The following CELSR3 variants were observed in gnomAD, a reference collection of about 807,000 sequenced individuals.
CELSR3 encodes EGF-like protein 1.
A neutral mutation model predicts 270.0 loss-of-function variants in CELSR3; 73 were observed. The ratio of observed to expected loss-of-function variants is 0.27; its 90% CI spans 0.22 to 0.33. The LOEUF (loss-of-function observed/expected upper bound fraction) is 0.33, where lower values mean the gene tolerates loss of function less well. Ranked by LOEUF, CELSR3 falls within the 10% of genes least tolerant of loss-of-function variation. The pLI is 1.00. For missense variants in CELSR3, 3,614 were observed against 4,533.8 expected (o/e 0.80, Z 5.83); for synonymous variants, 1,780 against 1,905.4 (o/e 0.93, Z 1.71).
At chr3:48,648,671 C>T (rs756950188) in intron 18 of CELSR3, 48 bp downstream of exon 18, 1 of 1,580,862 alleles carries the variant, frequency 6.3e-7, no homozygotes, top group Non-Finnish European at 8.6e-7. Flanking sequence ...GGGCAGGAGG[C>T]TGGGAGCTGG....
At position 48,641,893 on chromosome 3, in the gene CELSR3, A is replaced by C; in HGVS notation, c.8782T>G (p.Cys2928Gly). Residue 2928 changes from cysteine to glycine, a missense_variant, in exon 32 of 35, where the codon TGC becomes GGC. Transcript: ENST00000164024. This position sits in a 1 kb window ranked among gnomAD's most constrained non-coding sequence, Gnocchi z 4.8. The stretch of plus-strand genomic sequence containing the variant: ...AGCCTCTCACTCTGGGCTGCTCGGC[A>C]GAGTGGCCGTTGGAAGCGCCCCCGC... Reference protein sequence around the residue: ...RTRGRFQRPLCRAAQSERLLT... With the variant: ...RTRGRFQRPLGRAAQSERLLT... 1 of 1,570,792 alleles carries C rather than the reference A, an allele frequency of 6.4e-7. No homozygotes were observed. The highest frequency in any genetic ancestry group is 8.6e-7 in the Non-Finnish European group (1 of 1,159,834).
In CELSR3 at chr3:48,662,054, C is replaced by A. The variant is rs772518409; in HGVS notation, c.581G>T (p.Gly194Val). The A allele has an allele frequency of 2.5e-6, 4 of 1,614,110 alleles. No homozygotes were observed. Among genetic ancestry groups the A allele is most frequent in the East Asian group, 2.2e-5 (1 of 44,882 alleles). ...PVSSQRNAGT[G>V]SRKRVGTARC... ...CGCGGTGCCCACTCTTTTGCGGGAG[C>A]CTGTCCCAGCGTTCCGCTGGGAGGA... The change falls in exon 1 of 35, where the codon GGC (glycine) becomes GTC (valine). Residue 194 changes from glycine to valine, a missense_variant. Transcript: ENST00000164024. This position sits in a 1 kb window ranked among gnomAD's most constrained non-coding sequence, Gnocchi z 7.1.
At position 48,650,920 on chromosome 3, in the gene CELSR3, G is replaced by A. The variant is rs868152619; in HGVS notation, c.6342C>T (p.Phe2114=). ...GGCAGCCGCTGGCTGTCACCTCTGCGAAGGGACTGTCACAGCTGTTGCACT... is the reference window on the plus strand; with the variant it reads ...GGCAGCCGCTGGCTGTCACCTCTGCAAAGGGACTGTCACAGCTGTTGCACT... The part of the protein sequence containing the change: ...GRQCNSCDSP[F]AEVTASGCRV... The change falls in exon 15 of 35, where the codon TTC becomes TTT. Residue 2114 remains phenylalanine, a synonymous_variant. Transcript: ENST00000164024. This position sits in a 1 kb window ranked among gnomAD's most constrained non-coding sequence, Gnocchi z 5.1. The A allele has an allele frequency of 1.9e-6, 3 of 1,611,178 alleles. No individual in the cohort carries two copies. The highest frequency in any genetic ancestry group is 1.7e-5 in the Admixed American group (1 of 59,996).
At chr3:48,649,273 A>C in intron 16 of CELSR3, 58 bp from the exon 17 acceptor site, 2 of 1,323,432 alleles carry the variant, frequency 1.5e-6, no homozygotes, top group Non-Finnish European at 2.1e-6. Context: ...CTGAGGAGAT[A>C]ACCGCAGCAC....
rs374620156 is a variant in CELSR3 at position 48,645,121 on chromosome 3, C to T, written c.7886G>A (p.Arg2629His). ...WLFVQGLHLYRMQVEPRNVDR... is the reference protein window; with the variant it reads ...WLFVQGLHLYHMQVEPRNVDR... ...CACGTTGCGTGGCTCAACCTGCATG[C>T]GGTAGAGGTGCAGCCCCTGCACGAA... The change falls in exon 25 of 35, where the codon CGC (arginine) becomes CAC (histidine). Residue 2629 changes from arginine to histidine, a missense_variant. Around this residue, in one of 7 missense-constraint regions of CELSR3, gnomAD observed 1,240 missense variants for 1,351.7 expected, o/e 0.92. Transcript: ENST00000164024. This position sits in a 1 kb window ranked among gnomAD's most constrained non-coding sequence, Gnocchi z 5.4. 2.2e-5 allele frequency: 36 copies of T among 1,605,526 alleles called. No homozygotes were observed. Among genetic ancestry groups the T allele is most frequent in the Non-Finnish European group, 2.6e-5 (31 of 1,174,124 alleles).
In CELSR3 at chr3:48,650,570, C is replaced by T. The variant is rs369466527; in HGVS notation, c.6382G>A (p.Ala2128Thr). Residue 2128 changes from alanine to threonine, a missense_variant, in exon 16 of 35, where the codon GCC becomes ACC. Ala to Thr is a moderately conservative substitution (Grantham distance 58). Coordinates refer to ENST00000164024, the MANE Select transcript of CELSR3 (RefSeq NM_001407.3). The surrounding 1 kb of genome is among the most constrained non-coding windows in gnomAD (Gnocchi z 5.1). ...TASGCRVLYD[A>T]CPKSLRSGVW... is the part of the protein sequence containing the mutation. ...CCAGATCTCAGGGACTTAGGGCAGG[C>T]ATCATAGAGCACTAGAGAGAGAAGA... The T allele has an allele frequency of 1.2e-6, 2 of 1,603,234 alleles. No individual in the cohort carries two copies. The highest frequency in any genetic ancestry group is 1.7e-6 in the Non-Finnish European group (2 of 1,177,062).
At position 48,660,431 on chromosome 3, in the gene CELSR3, G is replaced by C. The variant is rs547287027; in HGVS notation, c.2204C>G (p.Pro735Arg). 54 of 1,614,116 alleles carry C rather than the reference G, an allele frequency of 3.3e-5. No homozygotes were observed. The highest frequency in any genetic ancestry group is 5.3e-5 in the African/African-American group (4 of 75,016). Reference sequence around the variant, plus strand: ...GGTGACACTGGCTGAGGCAGAGAGTGGGGGTGAGCCATGGTCTCGAGCCTC... The same window carrying C: ...GGTGACACTGGCTGAGGCAGAGAGTCGGGGTGAGCCATGGTCTCGAGCCTC... ...GVEARDHGSP[P>R]LSASASVTVT... is the part of the protein sequence containing the mutation. The change falls in exon 1 of 35, where the codon CCA becomes CGA. Residue 735 changes from proline to arginine, a missense_variant. Pro to Arg is a moderately radical substitution (Grantham distance 103, BLOSUM62 -2). Around this residue, in one of 7 missense-constraint regions of CELSR3, gnomAD observed 215 missense variants for 241.2 expected, o/e 0.89. Coordinates refer to ENST00000164024, the MANE Select transcript of CELSR3 (RefSeq NM_001407.3). The surrounding 1 kb of genome is among the most constrained non-coding windows in gnomAD (Gnocchi z 5.5).
rs2047117346 is a variant in CELSR3, at chr3:48,649,444, G to C, written c.6473-229C>G. On this transcript the variant is annotated intron_variant, in intron 16 of 34. Transcript: ENST00000164024. ...CATTCTCAACCAGCAACCACACAAA[G>C]CACAAGGGTGGGGCTGCACACACTC... is the stretch of plus-strand genomic sequence containing the variant. Among the ~76,000 whole-genome samples, 6 of 152,326 alleles carry C rather than the reference G, an allele frequency of 3.9e-5. No individual in the cohort carries two copies. In the South Asian group the frequency reaches 1.2e-3, roughly 32 times the overall value.
Position 48,640,870 on chromosome 3 carries a change from C to T in CELSR3, c.9026-311G>A. 1 of 472,120 alleles carries T rather than the reference C, an allele frequency of 2.1e-6. No homozygotes were observed. Among genetic ancestry groups the T allele is most frequent in the South Asian group, 3.4e-5 (1 of 29,728 alleles). The allele number at this position is 472,120 out of a possible 1,614,324, so 29.2% of individuals were successfully genotyped here. On this transcript the variant is annotated intron_variant, in intron 33 of 34. Coordinates refer to ENST00000164024, the MANE Select transcript of CELSR3 (RefSeq NM_001407.3). The surrounding 1 kb of genome is among the most constrained non-coding windows in gnomAD (Gnocchi z 7.5). The stretch of plus-strand genomic sequence containing the variant: ...GGGCAGCCCTCAGGTCCTGACAATG[C>T]AGGCCTGGCTGAAATGCAGGAACCC...
chr3:48,651,512 C>A lies in CELSR3; in HGVS notation c.6066-33G>T, dbSNP rs113209785. On this transcript the variant is annotated intron_variant, in intron 13 of 34. Coordinates refer to ENST00000164024, the MANE Select transcript of CELSR3 (RefSeq NM_001407.3). This position sits in a 1 kb window ranked among gnomAD's most constrained non-coding sequence, Gnocchi z 7.4. Reference sequence around the variant, plus strand: ...TGCAGAGCCAGGTAAGATGCCTCCACGGTATCCCAGTGACCCTCCCTGTCC... The same window carrying A: ...TGCAGAGCCAGGTAAGATGCCTCCAAGGTATCCCAGTGACCCTCCCTGTCC... The A allele has an allele frequency of 1.4e-3, 2,309 of 1,611,076 alleles. 6 individuals are homozygous for A. Among genetic ancestry groups the A allele is most frequent in the African/African-American group, 0.011 (859 of 74,994 alleles).
In CELSR3 at chr3:48,661,114, T is replaced by A. The variant is rs755996323; in HGVS notation, c.1521A>T (p.Glu507Asp). 4 of 1,612,448 alleles carry A rather than the reference T, an allele frequency of 2.5e-6. No homozygotes were observed. The highest frequency in any genetic ancestry group is 3.4e-6 in the Non-Finnish European group (4 of 1,179,508). The change falls in exon 1 of 35, where the codon GAA becomes GAT. Residue 507 changes from glutamate to aspartate, a missense_variant. Physicochemically the swap from Glu to Asp is conservative, Grantham distance 45 (BLOSUM62 2). This residue lies in a region of CELSR3 where 354 missense variants were observed against 500.9 expected (regional missense o/e 0.71). Transcript: ENST00000164024. ...TGGCTTCCACCACCAGCTCATAGCT[T>A]TCCATGTGCTCGCGGTCCACTCGGC... The part of the protein sequence containing the change: ...TSGRVDREHM[E>D]SYELVVEASD...
At position 48,662,649 on chromosome 3, in the gene CELSR3, C is replaced by A; in HGVS notation, c.-15G>T. 1 of 1,281,276 alleles carries A rather than the reference C, an allele frequency of 7.8e-7. No homozygotes were observed. Among genetic ancestry groups the A allele is most frequent in the South Asian group, 1.7e-5 (1 of 59,144 alleles). The allele number at this position is 1,281,276 out of a possible 1,614,324, so 79.4% of individuals were successfully genotyped here. ...CTCGCCATCATCCCCCGCCTCCCTG[C>A]ACGGCCTCCACCGCCCCCCGCCCCG... On this transcript the variant is annotated 5_prime_UTR_variant, in exon 1 of 35. Transcript: ENST00000164024. The surrounding 1 kb of genome is among the most constrained non-coding windows in gnomAD (Gnocchi z 7.1).
In CELSR3 at chr3:48,655,215, C is replaced by T; in HGVS notation, c.4831-14G>A. On this transcript the variant is annotated splice_polypyrimidine_tract_variant and intron_variant, in intron 5 of 34. Transcript: ENST00000164024. The surrounding 1 kb of genome is among the most constrained non-coding windows in gnomAD (Gnocchi z 5.8). ...ATCTGTCCGGGGCTGAAGACGCAGG[C>T]ACACCAGTCAACAGTGCCCCCAGTA... 1.9e-6 allele frequency: 3 copies of T among 1,614,014 alleles called. No homozygotes were observed. The highest frequency in any genetic ancestry group is 2.5e-6 in the Non-Finnish European group (3 of 1,179,932).
chr3:48,649,314 A>C, intron 16 of CELSR3, 99 bp from the exon 17 acceptor site: 2 of 993,542 alleles, frequency 2.0e-6, no homozygotes, highest in East Asian at 5.3e-5. Flanking sequence ...TCCCTGAGGC[A>C]GAAGTCAGAG....
chr3:48,659,393 A>C lies in CELSR3; in HGVS notation c.3242T>G (p.Ile1081Ser). The C allele has an allele frequency of 6.2e-7, 1 of 1,614,116 alleles. No individual in the cohort carries two copies. Among genetic ancestry groups the C allele is most frequent in the Non-Finnish European group, 8.5e-7 (1 of 1,180,006 alleles). The change falls in exon 1 of 35, where the codon ATT (isoleucine) becomes AGT (serine). Residue 1081 changes from isoleucine (I) to serine (S), a missense_variant. This residue lies in a region of CELSR3 where 1,331 missense variants were observed against 1,933.7 expected (regional missense o/e 0.69). Transcript: ENST00000164024. The surrounding 1 kb of genome is among the most constrained non-coding windows in gnomAD (Gnocchi z 8.1). ...GATCTGGGCCACCACTGAGCCCACA[A>C]TGCTATTCTCTTTCACCCGCACCTC... ...EFEVRVKENS[I>S]VGSVVAQITA...
At chr3:48,648,951 G>C in intron 17 of CELSR3, 23 bp from the exon 18 acceptor site, 1 of 1,611,104 alleles carries the variant, frequency 6.2e-7, no homozygotes, top group Non-Finnish European at 8.5e-7. Flanking sequence ...GGAGATGGTT[G>C]CTCTGTGGTC....
chr3:48,646,200 T>G lies in CELSR3; in HGVS notation c.7353A>C (p.Gly2451=). The G allele has an allele frequency of 6.2e-7, 1 of 1,612,752 alleles. No individual in the cohort carries two copies. The highest frequency in any genetic ancestry group is 8.5e-7 in the Non-Finnish European group (1 of 1,179,930). The change falls in exon 22 of 35, where the codon GGA becomes GGC. Residue 2451 remains glycine, a synonymous_variant. Coordinates refer to ENST00000164024, the MANE Select transcript of CELSR3 (RefSeq NM_001407.3). The surrounding 1 kb of genome is among the most constrained non-coding windows in gnomAD (Gnocchi z 4.8). ...CCAGGATTCCCCTTAGGAAGTTGCG[T>G]CCGTGGAACACAGCCACGCTGACCA... ...SPVVSVAVFH[G]RNFLRGILES...
chr3:48,642,023 A>G lies in CELSR3; in HGVS notation c.8666-14T>C. 6.6e-7 allele frequency: 1 copy of G among 1,518,484 alleles called. No homozygotes were observed. Among genetic ancestry groups the G allele is most frequent in the South Asian group, 1.3e-5 (1 of 76,502 alleles). The allele number at this position is 1,518,484 out of a possible 1,614,324, so 94.1% of individuals were successfully genotyped here. ...CGGAGTCTGCGCCTGGAGTTGGGAAAGTCAGAAGTACTTTCAGAGGTAAGG... is the reference window on the plus strand; with the variant it reads ...CGGAGTCTGCGCCTGGAGTTGGGAAGGTCAGAAGTACTTTCAGAGGTAAGG... On this transcript the variant is annotated splice_polypyrimidine_tract_variant and intron_variant, in intron 31 of 34. Coordinates refer to ENST00000164024, the MANE Select transcript of CELSR3 (RefSeq NM_001407.3). The surrounding 1 kb of genome is among the most constrained non-coding windows in gnomAD (Gnocchi z 6.1).
intron 3 of CELSR3, 137 bp downstream of exon 3, chr3:48,656,003 G>A: frequency 8.7e-7 from 1 of 1,153,964 alleles, no homozygotes; most frequent in South Asian, 1.4e-5. Flanking sequence ...GTGCAGCGAG[G>A]TCAGGAGACC....
Sources: gnomAD v4.1 joint callset for allele counts (sites outside exome capture counted in the v4.1 genomes callset) on GRCh38, gnomAD v4.1.1 for gene constraint, gnomAD v4.1.1 regional missense constraint, Gnocchi (gnomAD v3.1) non-coding constraint, MANE v1.5 for transcripts, NCBI Gene and HGNC (gene_info 2026-07-23, HGNC 2026-07-21) for gene names.